The following NRXN1 variants were observed in gnomAD, a reference collection of about 807,000 sequenced individuals.
NRXN1 encodes neurexin-1.
In NRXN1, 39 loss-of-function variants were observed where a neutral mutation model predicts 150.9. That is an observed-to-expected ratio of 0.26 (90% CI 0.20 to 0.34). The LOEUF is 0.34. NRXN1 is among the 10% of genes least tolerant of loss of function. NRXN1 has a pLI of 1.00. For synonymous variants in NRXN1, 924 were observed against 757.0 expected, an observed-to-expected ratio of 1.22 and a Z score of -3.62; for missense variants, 1,815 against 1,949.9, an observed-to-expected ratio of 0.93 and a Z score of 1.30.
At chr2:50,753,817 G>A (rs968733143) in intron 5 of NRXN1, among the ~76,000 whole-genome samples, 1 of 151,746 alleles carries the variant, frequency 6.6e-6, no homozygotes, top group East Asian at 1.9e-4. Flanking sequence ...CTAAGTGAGA[G>A]AATTTTTTAC....
At chr2:50,243,460 T>C (rs998328599) in intron 17 of NRXN1, among the ~76,000 whole-genome samples, 3 of 151,774 alleles carry the variant, frequency 2.0e-5, no homozygotes, top group African/African-American at 7.2e-5. Flanking sequence ...AAAAAATACG[T>C]TGTTGACTAC....
intron 2 of NRXN1, among the ~76,000 whole-genome samples, chr2:50,977,913 C>T (rs993766356): frequency 3.3e-5 from 5 of 151,772 alleles, no homozygotes; most frequent in Admixed American, 2.6e-4. Flanking sequence ...AATGTGATAG[C>T]AATCTGAAAC....
chr2:50,008,241 G>C (rs1685088800), intron 21 of NRXN1, among the ~76,000 whole-genome samples: 1 of 152,084 alleles, frequency 6.6e-6, no homozygotes, highest in South Asian at 2.1e-4. Context: ...AAGCAAGAGT[G>C]ATTGGACCCA....
At chr2:50,029,925 A>G (rs151209930) in intron 21 of NRXN1, among the ~76,000 whole-genome samples, 2 of 152,322 alleles carry the variant, frequency 1.3e-5, no homozygotes, top group African/African-American at 4.8e-5. Flanking sequence ...GGAGAAAAAT[A>G]AAATATAAAA....
chr2:50,465,417 A>G (rs1310284597), intron 17 of NRXN1, 25 bp downstream of exon 17: 25 of 1,589,530 alleles, frequency 1.6e-5, no homozygotes, highest in Non-Finnish European at 1.5e-5. Context: ...GATGAGTATC[A>G]GTCCATACTC....
At chr2:50,250,522 A>G (rs995230362) in intron 17 of NRXN1, among the ~76,000 whole-genome samples, 11 of 152,056 alleles carry the variant, frequency 7.2e-5, no homozygotes, top group African/African-American at 2.4e-5. Context: ...CCAGATAAAT[A>G]CAGAGCACAA....
At chr2:50,276,942 C>T (rs2070558765) in intron 17 of NRXN1, among the ~76,000 whole-genome samples, 1 of 152,140 alleles carries the variant, frequency 6.6e-6, no homozygotes, top group South Asian at 2.1e-4. Context: ...TTCTAGCCCC[C>T]CTGCTTTGAC....
At chr2:50,594,724 C>T (rs371793407) in intron 8 of NRXN1, among the ~76,000 whole-genome samples, 2 of 152,240 alleles carry the variant, frequency 1.3e-5, no homozygotes, top group African/African-American at 2.4e-5. Flanking sequence ...ATTCTATTCA[C>T]GCTAACAGCA....
chr2:50,091,878 G>A (rs1248542224), intron 18 of NRXN1, among the ~76,000 whole-genome samples: 3 of 152,080 alleles, frequency 2.0e-5, no homozygotes, highest in African/African-American at 7.2e-5. Flanking sequence ...TTAATAACTG[G>A]TGAAATCAGA....
intron 19 of NRXN1, among the ~76,000 whole-genome samples, chr2:50,068,083 GGAAAA>G (rs1695636247): frequency 6.6e-6 from 1 of 152,034 alleles, no homozygotes; most frequent in African/African-American, 2.4e-5. Context: ...ATTCTCAAGT[GGAAAA>G]GAAAAGTCTG....
At chr2:50,322,500 A>G (rs1277178820) in intron 17 of NRXN1, among the ~76,000 whole-genome samples, 2 of 152,302 alleles carry the variant, frequency 1.3e-5, no homozygotes, top group East Asian at 3.9e-4. Flanking sequence ...TTTCTTAGAC[A>G]AGGAATTTTT....
chr2:50,192,201 G>A (rs1396700761), intron 18 of NRXN1, among the ~76,000 whole-genome samples: 3 of 152,152 alleles, frequency 2.0e-5, no homozygotes, highest in African/African-American at 7.2e-5. Context: ...ATTTACAAAT[G>A]AGATGAGGTT....
intron 2 of NRXN1, among the ~76,000 whole-genome samples, chr2:50,971,668 A>C (rs954154225): frequency 6.6e-6 from 1 of 151,910 alleles, no homozygotes; most frequent in African/African-American, 2.4e-5. Flanking sequence ...CTTGAAAAAC[A>C]CTCCATTCAT....
At chr2:50,061,882 C>T (rs1009806880) in intron 19 of NRXN1, among the ~76,000 whole-genome samples, 1 of 152,128 alleles carries the variant, frequency 6.6e-6, no homozygotes, top group Non-Finnish European at 1.5e-5. Context: ...AATGAAACTG[C>T]ATGTAAAATT....
rs529921117 is a variant in NRXN1, at chr2:50,680,977, T to C, written c.833-57362A>G. 2.6e-5 allele frequency among the ~76,000 whole-genome samples: 4 copies of C among 152,186 alleles called. No homozygotes were observed. In the East Asian group the frequency reaches 7.7e-4, roughly 29 times the overall value. On this transcript the variant is annotated intron_variant, in intron 5 of 22. Transcript: ENST00000401669. ...AACACTACAATAATAATAGTTAACT[T>C]AGTAAAAAAAAAATTCTGTGTCTTC...
At chr2:50,076,140 ATAGTGTT>A (rs1249402093) in intron 19 of NRXN1, among the ~76,000 whole-genome samples, 1 of 152,166 alleles carries the variant, frequency 6.6e-6, no homozygotes, top group Non-Finnish European at 1.5e-5. Context: ...TAATGTCTTC[ATAGTGTT>A]TTGCTTGGAG....
At position 50,487,603 on chromosome 2, in the gene NRXN1, C is replaced by A. The variant is rs534949082; in HGVS notation, c.3070+8302G>T. Among the ~76,000 whole-genome samples the A allele has an allele frequency of 3.9e-5, 6 of 152,292 alleles. No individual in the cohort carries two copies. The South Asian group carries it at 1.0e-3, about 26-fold the overall frequency. The stretch of plus-strand genomic sequence containing the variant: ...GAGCAGCAACTTTGTTTTAAGCCCA[C>A]CCAACTTTCAAGTCTATTTCCATGT... On this transcript the variant is annotated intron_variant, in intron 15 of 22. Coordinates refer to ENST00000401669, the MANE Select transcript of NRXN1 (RefSeq NM_001330078.2).
chr2:50,373,446 C>T (rs1327162137), intron 17 of NRXN1, among the ~76,000 whole-genome samples: 1 of 149,652 alleles, frequency 6.7e-6, no homozygotes, highest in African/African-American at 2.5e-5. Context: ...CTTCTGCTCC[C>T]TAGCTCCCAT....
intron 2 of NRXN1, among the ~76,000 whole-genome samples, chr2:50,965,292 G>C (rs138046338): frequency 3.3e-5 from 5 of 151,290 alleles, no homozygotes; most frequent in Middle Eastern, 3.4e-3. Context: ...CTCATGGAGA[G>C]ACATTACAAT....
Sources: gnomAD v4.1 joint callset for allele counts (sites outside exome capture counted in the v4.1 genomes callset) on GRCh38, gnomAD v4.1.1 for gene constraint, MANE v1.5 for transcripts, NCBI Gene and HGNC (gene_info 2026-07-23, HGNC 2026-07-21) for gene names.